The following DLG2 variants were observed in gnomAD, a reference collection of about 807,000 sequenced individuals.
The protein encoded by DLG2 is discs large MAGUK scaffold protein 2, also known as disks large homolog 2.
In DLG2, 45 loss-of-function variants were observed where a neutral mutation model predicts 132.5. That is an observed-to-expected ratio of 0.34 (90% CI 0.27 to 0.44). DLG2 has a LOEUF of 0.44. Ranked by LOEUF, DLG2 falls within the 20% of genes least tolerant of loss-of-function variation. The pLI, the probability that DLG2 is intolerant of heterozygous loss-of-function variation, is 1.00. For synonymous variants in DLG2, 424 were observed against 419.6 expected, an observed-to-expected ratio of 1.01 and a Z score of -0.13; for missense variants, 1,045 against 1,196.9, an observed-to-expected ratio of 0.87 and a Z score of 1.87.
chr11:84,112,000 T>A (rs939366200), intron 9 of DLG2, among the ~76,000 whole-genome samples: 2 of 152,074 alleles, frequency 1.3e-5, no homozygotes, highest in Non-Finnish European at 2.9e-5. Flanking sequence ...ACTTTTTTTT[T>A]AACCACTTTT....
intron 6 of DLG2, among the ~76,000 whole-genome samples, chr11:84,967,167 T>C (rs979602506): frequency 2.0e-5 from 3 of 152,284 alleles, no homozygotes; most frequent in Non-Finnish European, 4.4e-5. Context: ...AGCCATACTT[T>C]CTTACTGTAG....
chr11:83,842,390 T>C (rs1368669202), intron 16 of DLG2, among the ~76,000 whole-genome samples: 1 of 151,704 alleles, frequency 6.6e-6, no homozygotes, highest in Admixed American at 6.6e-5. Flanking sequence ...GGTCAAGAGA[T>C]TGAGACCATT....
chr11:85,453,696 G>A (rs941264453), intron 3 of DLG2: 1 of 152,358 alleles, frequency 6.6e-6, no homozygotes, highest in Admixed American at 6.5e-5. Context: ...AAAGGTGGAG[G>A]TCCTTGGATT....
At chr11:84,594,667 A>G (rs190252332) in intron 6 of DLG2, among the ~76,000 whole-genome samples, 45 of 152,300 alleles carry the variant, frequency 3.0e-4, no homozygotes, top group African/African-American at 1.1e-3. Context: ...CAAAACAAAC[A>G]GTTTGGGATT....
At chr11:84,869,033 A>G (rs2085064120) in intron 6 of DLG2, among the ~76,000 whole-genome samples, 1 of 152,178 alleles carries the variant, frequency 6.6e-6, no homozygotes, top group Non-Finnish European at 1.5e-5. Flanking sequence ...TCTCTAACAA[A>G]TGTTATCAAT....
At chr11:85,318,580 C>T (rs1162316434) in intron 3 of DLG2, among the ~76,000 whole-genome samples, 3 of 151,622 alleles carry the variant, frequency 2.0e-5, no homozygotes, top group African/African-American at 4.8e-5. Flanking sequence ...GTAAATTCCA[C>T]TTGGTTGAAA....
At chr11:84,232,120 G>A (rs542284121) in intron 8 of DLG2, among the ~76,000 whole-genome samples, 23 of 152,230 alleles carry the variant, frequency 1.5e-4, no homozygotes, top group Admixed American at 2.6e-4. Flanking sequence ...GGATCTGTGC[G>A]CAGTAGGATT....
intron 8 of DLG2, among the ~76,000 whole-genome samples, chr11:84,197,036 C>CAAAAAAAAAAAAAAAAAAAGAAAA (rs2096529099): frequency 1.1e-5 from 1 of 87,932 alleles, no homozygotes; most frequent in Non-Finnish European, 2.1e-5. Context: ...GACTCTTTCT[C>CAAAAAAAAAAAAAAAAAAAGAAAA]AAAAAAAAAA....
At chr11:85,362,193 C>T (rs2084205008) in intron 3 of DLG2, among the ~76,000 whole-genome samples, 1 of 152,152 alleles carries the variant, frequency 6.6e-6, no homozygotes, top group Non-Finnish European at 1.5e-5. Flanking sequence ...TGGGCTCAAG[C>T]CGTTTCCCAC....
At chr11:84,628,477 T>C (rs1429922931) in intron 6 of DLG2, among the ~76,000 whole-genome samples, 2 of 152,242 alleles carry the variant, frequency 1.3e-5, no homozygotes, top group African/African-American at 4.8e-5. Flanking sequence ...TCCTAGAATA[T>C]TTCTTGTTCT....
At chr11:84,413,669 G>C (rs2098918094) in intron 7 of DLG2, among the ~76,000 whole-genome samples, 1 of 152,166 alleles carries the variant, frequency 6.6e-6, no homozygotes, top group South Asian at 2.1e-4. Flanking sequence ...GCAGGGTTCA[G>C]TCACAGGTTC....
intron 6 of DLG2, among the ~76,000 whole-genome samples, chr11:85,096,383 G>A (rs1315412746): frequency 3.3e-5 from 5 of 151,828 alleles, no homozygotes; most frequent in Admixed American, 6.6e-5. Context: ...GCAAGACCAC[G>A]AACCCACCGG....
At chr11:85,206,869 T>G (rs954011844) in intron 4 of DLG2, among the ~76,000 whole-genome samples, 2 of 152,244 alleles carry the variant, frequency 1.3e-5, no homozygotes, top group Non-Finnish European at 2.9e-5. Context: ...TTTTTTAATT[T>G]CAAGTCCAAT....
intron 4 of DLG2, among the ~76,000 whole-genome samples, chr11:85,235,181 A>T (rs1406090433): frequency 2.0e-5 from 3 of 151,984 alleles, no homozygotes; most frequent in Non-Finnish European, 4.4e-5. Flanking sequence ...AATACTATGA[A>T]GTCATTAGCT....
chr11:85,442,341 T>C (rs752550270), intron 3 of DLG2, among the ~76,000 whole-genome samples: 89 of 152,274 alleles, frequency 5.8e-4, no homozygotes, highest in Middle Eastern at 3.4e-3. Context: ...TCATGTTGGC[T>C]TGGACTAGAG....
intron 7 of DLG2, among the ~76,000 whole-genome samples, chr11:84,318,011 AC>A (rs1555503362): frequency 6.6e-6 from 1 of 152,186 alleles, no homozygotes; most frequent in Non-Finnish European, 1.5e-5. Flanking sequence ...ATTTTTCCTT[AC>A]CCCAAATTAT....
At chr11:83,816,469 T>C (rs1362628094) in intron 17 of DLG2, among the ~76,000 whole-genome samples, 1 of 152,190 alleles carries the variant, frequency 6.6e-6, no homozygotes, top group Non-Finnish European at 1.5e-5. Flanking sequence ...GGCTACTTAC[T>C]AGCTTAATGC....
chr11:85,116,298 C>T (rs1373241711), intron 5 of DLG2, among the ~76,000 whole-genome samples: 1 of 151,794 alleles, frequency 6.6e-6, no homozygotes, highest in African/African-American at 2.4e-5. Flanking sequence ...CCAATATACT[C>T]TCTAGCACAT....
chr11:84,622,979 T>C (rs1437680946), intron 6 of DLG2, among the ~76,000 whole-genome samples: 1 of 152,164 alleles, frequency 6.6e-6, no homozygotes, highest in Non-Finnish European at 1.5e-5. Flanking sequence ...CTTCCTCCTT[T>C]TTAGTTTCAT....
Sources: gnomAD v4.1 joint callset for allele counts (sites outside exome capture counted in the v4.1 genomes callset) on GRCh38, gnomAD v4.1.1 for gene constraint, MANE v1.5 for transcripts, NCBI Gene and HGNC (gene_info 2026-07-23, HGNC 2026-07-21) for gene names.